The following SLC25A10 variants were observed in gnomAD, a reference collection of about 807,000 sequenced individuals.
SLC25A10 encodes the protein mitochondrial dicarboxylate carrier.
SLC25A10 carries 32 observed loss-of-function variants against 40.4 expected under a neutral mutation model. That is an observed-to-expected ratio of 0.79 (90% CI 0.60 to 1.06). The LOEUF (loss-of-function observed/expected upper bound fraction) is 1.06, where lower values mean the gene tolerates loss of function less well. SLC25A10 is among the 50% of genes least tolerant of loss of function. The pLI, the probability that SLC25A10 is intolerant of heterozygous loss-of-function variation, is 0.00. For missense variants in SLC25A10, 394 were observed against 402.6 expected, an observed-to-expected ratio of 0.98 and a Z score of 0.18; for synonymous variants, 181 against 171.1, an observed-to-expected ratio of 1.06 and a Z score of -0.45.
At chr17:81,717,336 C>A in intron 7 of SLC25A10, 63 bp from the exon 8 acceptor site, 1 of 1,513,900 alleles carries the variant, frequency 6.6e-7, no homozygotes, top group Admixed American at 1.7e-5. Context: ...CGCCTGGGGC[C>A]CTGTGTGCTT....
At chr17:81,718,414 G>A (rs1172430776) in intron 9 of SLC25A10, among the ~76,000 whole-genome samples, 2 of 151,480 alleles carry the variant, frequency 1.3e-5, no homozygotes, top group Admixed American at 1.3e-4. Context: ...GAACCTGGGA[G>A]GCGGAGGTTG....
At position 81,712,477 on chromosome 17, in the gene SLC25A10, C is replaced by T; in HGVS notation, c.51C>T (p.Ser17=). 2 of 1,304,604 alleles carry T rather than the reference C, an allele frequency of 1.5e-6. No homozygotes were observed. The highest frequency in any genetic ancestry group is 1.9e-6 in the Non-Finnish European group (2 of 1,028,352). 80.8% of individuals were successfully genotyped at this position (1,304,604 alleles called of 1,614,324 possible). A position where few individuals can be genotyped will look rare whatever the true frequency, so the allele number is the denominator to read the frequency against. ...VSRWYFGGLA[S]CGAACCTHPL... ...GCTGGTACTTCGGGGGGCTGGCCTCCTGCGGGGCCGCCTGCTGCACGCACC... is the reference window on the plus strand; with the variant it reads ...GCTGGTACTTCGGGGGGCTGGCCTCTTGCGGGGCCGCCTGCTGCACGCACC... Residue 17 remains serine, a synonymous_variant, in exon 1 of 11, where the codon TCC becomes TCT. Transcript: ENST00000350690.
Position 81,717,355 on chromosome 17 carries a change from C to T in SLC25A10, c.535-44C>T, listed in dbSNP as rs1255525973. 4 of 1,592,076 alleles carry T rather than the reference C, an allele frequency of 2.5e-6. No homozygotes were observed. The Admixed American group carries it at 5.0e-5, about 20-fold the overall frequency. On this transcript the variant is annotated intron_variant, in intron 7 of 10. Coordinates refer to ENST00000350690, the MANE Select transcript of SLC25A10 (RefSeq NM_012140.5). ...TGGGGCCCTGTGTGCTTTCCCCAAG[C>T]TGGGGTCCCCCCTACAGCCCTGACC...
intron 6 of SLC25A10, 53 bp from the exon 7 acceptor site, chr17:81,716,949 G>A (rs1027693548): frequency 1.7e-6 from 2 of 1,152,036 alleles, no homozygotes; most frequent in South Asian, 2.6e-5. Flanking sequence ...TTTGGGCCAG[G>A]TGCCTGGCCT....
At chr17:81,717,608 C>G in intron 8 of SLC25A10, 117 bp downstream of exon 8, 1 of 1,343,496 alleles carries the variant, frequency 7.4e-7, no homozygotes, top group Non-Finnish European at 1.1e-6. Flanking sequence ...GCAGTGCCCC[C>G]TGGGGCTCAT....
rs1014907881 is a variant in SLC25A10, at chr17:81,720,097, G to T, written c.*20G>T. 8 of 1,611,724 alleles carry T rather than the reference G, an allele frequency of 5.0e-6. No individual in the cohort carries two copies. In the African/African-American group the frequency reaches 8.0e-5, roughly 16 times the overall value. On this transcript the variant is annotated 3_prime_UTR_variant, in exon 11 of 11. Transcript: ENST00000350690. ...TCCTGACCAGCCGTGGGAATGGCTG[G>T]GCTGCCAGGCCAGACACGCTAGGTT...
At chr17:81,714,884 C>T (rs1209217755) in intron 1 of SLC25A10, 69 bp from the exon 2 acceptor site, 8 of 1,577,662 alleles carry the variant, frequency 5.1e-6, no homozygotes, top group African/African-American at 1.3e-5. Flanking sequence ...TCAGTTTCCC[C>T]CTCTCTGGAT....
chr17:81,717,411 G>T lies in SLC25A10; in HGVS notation c.547G>T (p.Asp183Tyr). The change falls in exon 8 of 11, where the codon GAC (aspartate) becomes TAC (tyrosine). Residue 183 changes from aspartate (D) to tyrosine (Y), a missense_variant. Asp to Tyr is a radical substitution (Grantham distance 160). Coordinates refer to ENST00000350690, the MANE Select transcript of SLC25A10 (RefSeq NM_012140.5). ...TGTGCCCCTGCAGCTGTCCTGCTAC[G>T]ACCAGGCCAAGCAGCTGGTCCTTAG... ...LVTVGQLSCY[D>Y]QAKQLVLSTG... The T allele has an allele frequency of 6.2e-7, 1 of 1,613,374 alleles. No homozygotes were observed. Among genetic ancestry groups the T allele is most frequent in the South Asian group, 1.1e-5 (1 of 91,032 alleles).
intron 2 of SLC25A10, 79 bp downstream of exon 2, chr17:81,715,151 T>G: frequency 6.4e-7 from 1 of 1,555,378 alleles, no homozygotes; most frequent in Non-Finnish European, 8.7e-7. Flanking sequence ...TCCGTCCCCT[T>G]TTCAAGACTT....
chr17:81,715,008 G>A lies in SLC25A10; in HGVS notation c.149G>A (p.Arg50Gln), dbSNP rs766740654. 23 of 1,609,944 alleles carry A rather than the reference G, an allele frequency of 1.4e-5. No individual in the cohort carries two copies. Among genetic ancestry groups the A allele is most frequent in the Admixed American group, 5.0e-5 (3 of 59,980 alleles). Residue 50 changes from arginine to glutamine, a missense_variant, in exon 2 of 11, where the codon CGG (arginine) becomes CAG (glutamine). By Grantham distance (43) the Arg-to-Gln change is conservative (BLOSUM62 1). Transcript: ENST00000350690. The stretch of plus-strand genomic sequence containing the variant: ...CTGCGCATGACGGGCATGGCGCTGC[G>A]GGTGGTGCGTACCGACGGCATCCTG... ...VKLRMTGMAL[R>Q]VVRTDGILAL... is the part of the protein sequence containing the mutation.
chr17:81,718,647 T>C (rs1013067576), intron 9 of SLC25A10, among the ~76,000 whole-genome samples: 2 of 150,948 alleles, frequency 1.3e-5, no homozygotes, highest in African/African-American at 4.9e-5. Context: ...AGAGTGAGAC[T>C]GTCTTAAAAC....
chr17:81,715,045 C>T lies in SLC25A10; in HGVS notation c.186C>T (p.Ser62=), dbSNP rs762055208. The T allele has an allele frequency of 1.9e-5, 30 of 1,609,890 alleles. No individual in the cohort carries two copies. Among genetic ancestry groups the T allele is most frequent in the East Asian group, 6.7e-5 (3 of 44,886 alleles). Residue 62 remains serine (S), a synonymous_variant, in exon 2 of 11, where the codon AGC becomes AGT. Coordinates refer to ENST00000350690, the MANE Select transcript of SLC25A10 (RefSeq NM_012140.5). ...VRTDGILALY[S]GLSASLCRQM... is the part of the protein sequence containing the mutation. The stretch of plus-strand genomic sequence containing the variant: ...CCGACGGCATCCTGGCACTCTACAG[C>T]GGCCTGAGCGCCTCGCTGTGCAGAC...
In SLC25A10 at chr17:81,717,849, G is replaced by C. The variant is rs2037518030; in HGVS notation, c.693G>C (p.Lys231Asn). The C allele has an allele frequency of 1.2e-6, 2 of 1,609,446 alleles. No individual in the cohort carries two copies. Among genetic ancestry groups the C allele is most frequent in the African/African-American group, 2.7e-5 (2 of 74,934 alleles). The change falls in exon 9 of 11, where the codon AAG becomes AAC. Residue 231 changes from lysine to asparagine, a missense_variant. Transcript: ENST00000350690. ...TGAAGACTCGCCTGATGAACTCCAAGGGGGAGTATCAGGTGAGTGGGGCCC... is the reference window on the plus strand; with the variant it reads ...TGAAGACTCGCCTGATGAACTCCAACGGGGAGTATCAGGTGAGTGGGGCCC... ...DVLKTRLMNSKGEYQGVFHCA... is the reference protein window; with the variant it reads ...DVLKTRLMNSNGEYQGVFHCA...
rs374383985 is a variant in SLC25A10, at chr17:81,717,086, G to C, written c.534+14G>C. ...ACTGTGGGCCAGGTAGGCCTCCTGC[G>C]TGGGGTGGGTGTGGGCAGTGCCTGT... On this transcript the variant is annotated intron_variant, in intron 7 of 10. Transcript: ENST00000350690. 6.8e-6 allele frequency: 11 copies of C among 1,612,816 alleles called. No homozygotes were observed. In the Admixed American group the frequency reaches 8.3e-5, roughly 12 times the overall value.
chr17:81,717,919 C>A, intron 9 of SLC25A10, 58 bp downstream of exon 9: 1 of 1,362,682 alleles, frequency 7.3e-7, no homozygotes, highest in Non-Finnish European at 1.0e-6. Context: ...CCCCTCACCT[C>A]TCCGGGGGGT....
chr17:81,717,262 C>T (rs886486146), intron 7 of SLC25A10, 137 bp from the exon 8 acceptor site: 1 of 1,038,622 alleles, frequency 9.6e-7, no homozygotes, highest in East Asian at 2.5e-5. Flanking sequence ...GGGCAGGTGC[C>T]TCCCCTGTCT....
chr17:81,718,793 A>C (rs1348057593), intron 9 of SLC25A10, among the ~76,000 whole-genome samples: 2 of 145,288 alleles, frequency 1.4e-5, no homozygotes, highest in Non-Finnish European at 3.0e-5. Context: ...CTAAAAATGC[A>C]AAAAAATTAG....
rs2037497330 is a variant in SLC25A10, at chr17:81,716,853, A to AAGGTGAGGG, written c.462_463+7dup. The AAGGTGAGGG allele has an allele frequency of 6.2e-7, 1 of 1,611,270 alleles. No individual in the cohort carries two copies. Among genetic ancestry groups the AAGGTGAGGG allele is most frequent in the East Asian group, 2.2e-5 (1 of 44,800 alleles). ...GATGGCCTGTACCGCGTAGCTCGTG[A>AAGGTGAGGG]AGGTGAGGGGCAGGTGCTGTGCACA... is the stretch of plus-strand genomic sequence containing the variant. On this transcript the variant is annotated inframe_insertion and splice_region_variant, in exon 6 of 11. Coordinates refer to ENST00000350690, the MANE Select transcript of SLC25A10 (RefSeq NM_012140.5).
intron 7 of SLC25A10, 88 bp downstream of exon 7, chr17:81,717,160 G>C: frequency 6.9e-7 from 1 of 1,456,114 alleles, no homozygotes; most frequent in Non-Finnish European, 9.6e-7. Context: ...GGCACTGGGC[G>C]CCAAAACCCT....
Sources: gnomAD v4.1 joint callset for allele counts (sites outside exome capture counted in the v4.1 genomes callset) on GRCh38, gnomAD v4.1.1 for gene constraint, MANE v1.5 for transcripts, NCBI Gene and HGNC (gene_info 2026-07-23, HGNC 2026-07-21) for gene names.